HP1BP3: variants seen among roughly 807,000 people sequenced by gnomAD.
HP1BP3 encodes the protein heterochromatin protein 1 binding protein 3, also known as heterochromatin protein 1-binding protein 3.
Under a neutral mutation model 62.5 loss-of-function variants are expected in HP1BP3, and 12 were observed. That is an observed-to-expected ratio of 0.19 (90% CI 0.12 to 0.31). The LOEUF is 0.31. HP1BP3 is among the 10% of genes least tolerant of loss of function. HP1BP3 has a pLI of 1.00. For missense variants in HP1BP3, 502 were observed against 651.8 expected, an observed-to-expected ratio of 0.77 and a Z score of 2.50; for synonymous variants, 260 against 237.8, an observed-to-expected ratio of 1.09 and a Z score of -0.86.
chr1:20,746,186 A>ATATATATGTGTGTGTG (rs1286650893), intron 11 of HP1BP3, among the ~76,000 whole-genome samples: 1 of 143,148 alleles, frequency 7.0e-6, no homozygotes, highest in African/African-American at 2.7e-5. Flanking sequence ...ACATACATAT[A>ATATATATGTGTGTGTG]TGTGTGTGTG....
At position 20,765,592 on chromosome 1, in the gene HP1BP3, T is replaced by C; in HGVS notation, c.736-61A>G. 3 of 1,333,796 alleles carry C rather than the reference T, an allele frequency of 2.2e-6. No individual in the cohort carries two copies. The South Asian group carries it at 4.1e-5, about 18-fold the overall frequency. 82.6% of individuals were successfully genotyped at this position (1,333,796 alleles called of 1,614,324 possible). ...GAACGTAAATGTTTCTACATACAAC[T>C]CAAGGGCTTTCCTCAGTTGATTACC... On this transcript the variant is annotated intron_variant, in intron 7 of 12. Coordinates refer to ENST00000438032, the MANE Select transcript of HP1BP3 (RefSeq NM_001372052.1).
chr1:20,780,382 A>T lies in HP1BP3; in HGVS notation c.59T>A (p.Val20Glu), dbSNP rs1228338470. Residue 20 changes from valine to glutamate, a missense_variant, in exon 2 of 13, where the codon GTA (valine) becomes GAA (glutamate). By Grantham distance (121) the Val-to-Glu change is moderately radical. Around this residue, in one of 5 missense-constraint regions of HP1BP3, gnomAD observed 165 missense variants for 156.4 expected, o/e 1.05. Transcript: ENST00000438032. ...LVHPKALPLIVGAQLIHADKL... is the reference protein window; with the variant it reads ...LVHPKALPLIEGAQLIHADKL... The stretch of plus-strand genomic sequence containing the variant: ...GTCCGCGTGGATCAGCTGAGCTCCT[A>T]CTATAAGTGGGAGTGCCTTAGGATG... The T allele has an allele frequency of 6.2e-7, 1 of 1,613,874 alleles. No homozygotes were observed.
chr1:20,776,660 G>A lies in HP1BP3; in HGVS notation c.287C>T (p.Pro96Leu). ...PPATSSEAEQ[P>L]KGEPENEEKE... ...CTCTTCATTCTCAGGTTCCCCCTTT[G>A]GCTGCTCTGCCTCACTCGAAGTAGC... The change falls in exon 4 of 13, where the codon CCA (proline) becomes CTA (leucine). Residue 96 changes from proline (P) to leucine (L), a missense_variant. By Grantham distance (98) the Pro-to-Leu change is moderately conservative (BLOSUM62 -3). Transcript: ENST00000438032. 1 of 1,613,578 alleles carries A rather than the reference G, an allele frequency of 6.2e-7. No individual in the cohort carries two copies. Among genetic ancestry groups the A allele is most frequent in the South Asian group, 1.1e-5 (1 of 91,018 alleles).
chr1:20,757,337 C>T (rs2056175873), intron 8 of HP1BP3, 81 bp from the exon 9 acceptor site: 3 of 792,256 alleles, frequency 3.8e-6, no homozygotes. Flanking sequence ...AGGGTTATTC[C>T]CAGATCTAGA....
chr1:20,786,137 CG>C (rs1557682447), intron 1 of HP1BP3: 3 of 152,270 alleles, frequency 2.0e-5, no homozygotes, highest in African/African-American at 7.2e-5. Context: ...TGGCTGTCCC[CG>C]GTCACAGCTG....
chr1:20,747,682 G>A, intron 10 of HP1BP3, 27 bp from the exon 11 acceptor site: 2 of 1,376,684 alleles, frequency 1.5e-6, no homozygotes, highest in Non-Finnish European at 2.1e-6. Context: ...AGAAATGAAA[G>A]TTATCTAGTT....
intron 8 of HP1BP3, among the ~76,000 whole-genome samples, chr1:20,763,972 G>A (rs1196709758): frequency 6.6e-6 from 1 of 151,832 alleles, no homozygotes; most frequent in African/African-American, 2.4e-5. Flanking sequence ...GATTACAGGC[G>A]TGAGCCACCG....
At chr1:20,753,099 G>A (rs2055878194) in intron 9 of HP1BP3, among the ~76,000 whole-genome samples, 1 of 152,082 alleles carries the variant, frequency 6.6e-6, no homozygotes, top group Admixed American at 6.5e-5. Flanking sequence ...GTGCCACCAT[G>A]CCCGGCTAAT....
chr1:20,755,825 C>T (rs2056071059), intron 9 of HP1BP3, among the ~76,000 whole-genome samples: 1 of 152,140 alleles, frequency 6.6e-6, no homozygotes, highest in South Asian at 2.1e-4. Context: ...AGAATGAAAG[C>T]ACTGGTACAT....
In HP1BP3 at chr1:20,744,633, A is replaced by G. The variant is rs1168222616; in HGVS notation, c.*164T>C. 3.1e-6 allele frequency: 2 copies of G among 650,188 alleles called. No homozygotes were observed. The highest frequency in any genetic ancestry group is 3.7e-5 in the African/African-American group (2 of 54,538). 40.3% of individuals were successfully genotyped at this position (650,188 alleles called of 1,614,324 possible). ...GGGCAGGCACCAATAAAAGCACCTAAAGCTAGCAAATGCCTAAACTGGTTT... is the reference window on the plus strand; with the variant it reads ...GGGCAGGCACCAATAAAAGCACCTAGAGCTAGCAAATGCCTAAACTGGTTT... On this transcript the variant is annotated 3_prime_UTR_variant, in exon 13 of 13. Transcript: ENST00000438032.
intron 5 of HP1BP3, among the ~76,000 whole-genome samples, chr1:20,771,812 ATC>A (rs1278435929): frequency 6.6e-6 from 1 of 152,232 alleles, no homozygotes; most frequent in African/African-American, 2.4e-5. Context: ...CAAAAGTAGC[ATC>A]TGTCATTTAT....
chr1:20,742,164 G>C lies in HP1BP3; in HGVS notation c.*2633C>G, dbSNP rs982092853. ...TATTCAGTAAGTCTCTTTAAAAGCA[G>C]TATCATAAAGCAAAGAAACCAACCA... On this transcript the variant is annotated 3_prime_UTR_variant, in exon 13 of 13. Coordinates refer to ENST00000438032, the MANE Select transcript of HP1BP3 (RefSeq NM_001372052.1). 5.9e-5 allele frequency among the ~76,000 whole-genome samples: 9 copies of C among 152,200 alleles called. No individual in the cohort carries two copies. Among genetic ancestry groups the C allele is most frequent in the Non-Finnish European group, 1.0e-4 (7 of 68,036 alleles).
chr1:20,759,372 C>T (rs1041141383), intron 8 of HP1BP3, among the ~76,000 whole-genome samples: 12 of 152,104 alleles, frequency 7.9e-5, no homozygotes, highest in African/African-American at 1.2e-4. Flanking sequence ...CATTGCACTC[C>T]AGCCTGGGCA....
chr1:20,750,179 T>A (rs1012378484), intron 9 of HP1BP3: 2 of 249,248 alleles, frequency 8.0e-6, no homozygotes, highest in African/African-American at 4.5e-5. Context: ...GTTAACCAGT[T>A]ATGTCCCTAA....
chr1:20,776,784 G>C lies in HP1BP3; in HGVS notation c.197-34C>G, dbSNP rs577179769. On this transcript the variant is annotated intron_variant, in intron 3 of 12. Transcript: ENST00000438032. ...TCAGGTGAGCAGAATTGCATAAGCA[G>C]ATGTATTCCAATCTGAGTCAATAAA... 1.1e-5 allele frequency: 18 copies of C among 1,580,136 alleles called. No homozygotes were observed. The South Asian group carries it at 2.1e-4, about 18-fold the overall frequency.
chr1:20,758,575 C>T (rs1238223146), intron 8 of HP1BP3, among the ~76,000 whole-genome samples: 2 of 151,700 alleles, frequency 1.3e-5, no homozygotes, highest in African/African-American at 2.4e-5. Flanking sequence ...CTTGATCTTC[C>T]GACCTCATGA....
intron 8 of HP1BP3, among the ~76,000 whole-genome samples, chr1:20,763,311 G>A (rs1473068215): frequency 6.6e-6 from 1 of 152,170 alleles, no homozygotes; most frequent in African/African-American, 2.4e-5. Flanking sequence ...ATCCACAATT[G>A]TGTCTGCCTA....
At chr1:20,786,601 C>A (rs1334832293) in intron 1 of HP1BP3, 1 of 152,294 alleles carries the variant, frequency 6.6e-6, no homozygotes, top group Non-Finnish European at 1.5e-5. Flanking sequence ...CCCGCCCCGG[C>A]GACGGAAGCA....
At chr1:20,748,049 T>C (rs2055451670) in intron 10 of HP1BP3, among the ~76,000 whole-genome samples, 1 of 151,986 alleles carries the variant, frequency 6.6e-6, no homozygotes, top group Non-Finnish European at 1.5e-5. Context: ...TTAGAGACCA[T>C]TGAGTCAAAT....
Sources: allele counts gnomAD v4.1 joint callset (sites outside exome capture counted in the v4.1 genomes callset), GRCh38; gene constraint gnomAD v4.1.1; regional missense constraint gnomAD v4.1.1; transcripts MANE v1.5; gene names NCBI Gene and HGNC (gene_info 2026-07-23, HGNC 2026-07-21).